EPB41L3: variants seen among roughly 807,000 people sequenced by gnomAD.
The protein encoded by EPB41L3 is band 4.1-like protein 3.
Under a neutral mutation model 127.1 loss-of-function variants are expected in EPB41L3, and 57 were observed. That is an observed-to-expected ratio of 0.45 (90% confidence interval 0.36 to 0.56). The LOEUF is 0.56. Among genes scored for constraint, EPB41L3 ranks in the 20% least tolerant of loss-of-function variants. EPB41L3 has a pLI of 0.00. For missense variants in EPB41L3, 1,273 were observed against 1,372.2 expected, an observed-to-expected ratio of 0.93 and a Z score of 1.14; for synonymous variants, 572 against 549.5, an observed-to-expected ratio of 1.04 and a Z score of -0.57.
At chr18:5,564,789 A>G (rs1311061055) in intron 3 of EPB41L3, among the ~76,000 whole-genome samples, 3 of 152,072 alleles carry the variant, frequency 2.0e-5, no homozygotes, top group African/African-American at 4.8e-5. Flanking sequence ...CCTGCCACCA[A>G]CAGGACCCCA....
At chr18:5,499,727 A>G (rs1487960421) in intron 1 of EPB41L3, among the ~76,000 whole-genome samples, 1 of 151,864 alleles carries the variant, frequency 6.6e-6, no homozygotes, top group Non-Finnish European at 1.5e-5. Flanking sequence ...AGATCGCACC[A>G]CTGCACTCAA....
At chr18:5,463,686 T>C (rs996803556) in intron 3 of EPB41L3, 11 of 152,352 alleles carry the variant, frequency 7.2e-5, no homozygotes, top group African/African-American at 2.4e-4. Flanking sequence ...AAATGAATTA[T>C]GCCGACAACC....
intron 3 of EPB41L3, among the ~76,000 whole-genome samples, chr18:5,559,151 T>G (rs2094085501): frequency 6.6e-6 from 1 of 152,218 alleles, no homozygotes; most frequent in African/African-American, 2.4e-5. Flanking sequence ...TGGCTACAGT[T>G]TTACTTTTAT....
chr18:5,468,645 T>G (rs906247369), intron 3 of EPB41L3, among the ~76,000 whole-genome samples: 1 of 152,050 alleles, frequency 6.6e-6, no homozygotes. Context: ...CTGCACCCAT[T>G]GGGATAACCT....
chr18:5,440,461 C>A (rs917879838), intron 5 of EPB41L3, among the ~76,000 whole-genome samples: 1 of 152,004 alleles, frequency 6.6e-6, no homozygotes, highest in Non-Finnish European at 1.5e-5. Flanking sequence ...AGAAACAAAT[C>A]CACTGAGAAG....
At chr18:5,435,502 T>G (rs1462830417) in intron 6 of EPB41L3, among the ~76,000 whole-genome samples, 1 of 152,222 alleles carries the variant, frequency 6.6e-6, no homozygotes, top group African/African-American at 2.4e-5. Flanking sequence ...GTGTTATAAT[T>G]TCCCACAGTA....
At chr18:5,426,156 G>A (rs1006772498) in intron 9 of EPB41L3, among the ~76,000 whole-genome samples, 1 of 152,052 alleles carries the variant, frequency 6.6e-6, no homozygotes, top group Non-Finnish European at 1.5e-5. Context: ...AACTTGCCTT[G>A]CTCTTTGAGT....
chr18:5,428,208 C>A, intron 9 of EPB41L3, 105 bp downstream of exon 9: 1 of 1,332,858 alleles, frequency 7.5e-7, no homozygotes, highest in Non-Finnish European at 1.0e-6. Context: ...AGATGTCATT[C>A]ACTGTGTCCC....
chr18:5,407,514 G>T (rs948304169), intron 15 of EPB41L3, among the ~76,000 whole-genome samples, 187 bp downstream of exon 15: 6 of 152,126 alleles, frequency 3.9e-5, no homozygotes, highest in Admixed American at 2.6e-4. Flanking sequence ...TGAAAAAAGT[G>T]GAGAAGAAAG....
intron 2 of EPB41L3, among the ~76,000 whole-genome samples, chr18:5,486,348 G>T (rs1009766299): frequency 6.6e-6 from 1 of 151,986 alleles, no homozygotes; most frequent in African/African-American, 2.4e-5. Context: ...ATGGATTAAA[G>T]AATTAAAAAT....
intron 1 of EPB41L3, among the ~76,000 whole-genome samples, chr18:5,525,140 C>A (rs941221043): frequency 6.6e-6 from 1 of 152,290 alleles, no homozygotes; most frequent in African/African-American, 2.4e-5. Flanking sequence ...AAAGTCCCCT[C>A]TACCCTGATC....
rs1026310608 is a variant in EPB41L3, at chr18:5,409,148, CA to C, written c.2122-1413del. Among the ~76,000 whole-genome samples, 38 of 152,286 alleles carry C rather than the reference CA, an allele frequency of 2.5e-4. 1 individual carries two copies. Among genetic ancestry groups the C allele is most frequent in the African/African-American group, 8.9e-4 (37 of 41,558 alleles). On this transcript the variant is annotated intron_variant, in intron 14 of 22. Transcript: ENST00000341928. The stretch of plus-strand genomic sequence containing the variant: ...ACGGGGCAAACAGGAAATTTAAACA[CA>C]GTGCTAATGTGCTGGTGACACACCC...
At chr18:5,479,321 A>G (rs534561057) in intron 2 of EPB41L3, among the ~76,000 whole-genome samples, 30 of 152,324 alleles carry the variant, frequency 2.0e-4, no homozygotes, top group African/African-American at 6.5e-4. Context: ...TGACAGTCCA[A>G]AGGAAGACAT....
At chr18:5,617,309 CTAT>C (rs201525129) in intron 1 of EPB41L3, among the ~76,000 whole-genome samples, 25 of 138,200 alleles carry the variant, frequency 1.8e-4, no homozygotes, top group Admixed American at 5.8e-4. Context: ...ACAAGTCATT[CTAT>C]TATTATTATT....
chr18:5,561,711 C>A (rs2094137869), intron 3 of EPB41L3, among the ~76,000 whole-genome samples: 1 of 152,190 alleles, frequency 6.6e-6, no homozygotes, highest in Non-Finnish European at 1.5e-5. Context: ...TTCAAAGTTT[C>A]TCCCCGCAAA....
chr18:5,452,277 T>C (rs1216775528), intron 3 of EPB41L3, among the ~76,000 whole-genome samples: 1 of 152,206 alleles, frequency 6.6e-6, no homozygotes, highest in African/African-American at 2.4e-5. Context: ...TATTTTACTT[T>C]TTTGGGAGGA....
At chr18:5,428,531 G>GTATT in intron 8 of EPB41L3, 66 bp from the exon 9 acceptor site, 1 of 1,581,382 alleles carries the variant, frequency 6.3e-7, no homozygotes, top group Non-Finnish European at 8.7e-7. Flanking sequence ...GCTGGGTAAA[G>GTATT]TATTTAAGCA....
intron 3 of EPB41L3, among the ~76,000 whole-genome samples, chr18:5,584,443 C>T (rs7234955): frequency 0.11 from 16,597 of 152,132 alleles, 1,008 homozygotes; most frequent in South Asian, 0.17. Flanking sequence ...AGACAGTAAG[C>T]TTTAACATAA....
intron 16 of EPB41L3, among the ~76,000 whole-genome samples, chr18:5,403,526 G>A (rs1157024719): frequency 6.6e-6 from 1 of 150,532 alleles, no homozygotes; most frequent in East Asian, 1.9e-4. Context: ...GAAAAAAGAT[G>A]GTAACATTAA....
Sources: gnomAD v4.1 joint callset for allele counts (sites outside exome capture counted in the v4.1 genomes callset) on GRCh38, gnomAD v4.1.1 for gene constraint, MANE v1.5 for transcripts, NCBI Gene and HGNC (gene_info 2026-07-23, HGNC 2026-07-21) for gene names.